Variants in CACNA2D3 observed in about 807,000 individuals in gnomAD.
The protein encoded by CACNA2D3 is voltage-dependent calcium channel subunit alpha-2/delta-3.
A neutral mutation model predicts 160.6 loss-of-function variants in CACNA2D3; 60 were observed. That is an observed-to-expected ratio of 0.37 (90% confidence interval 0.30 to 0.46). The LOEUF is 0.46. Ranked by LOEUF, CACNA2D3 falls within the 20% of genes least tolerant of loss-of-function variation. CACNA2D3 has a pLI of 1.00. For missense variants in CACNA2D3, 1,205 were observed against 1,365.0 expected, an observed-to-expected ratio of 0.88 and a Z score of 1.85; for synonymous variants, 558 against 492.9, an observed-to-expected ratio of 1.13 and a Z score of -1.75.
intron 3 of CACNA2D3, among the ~76,000 whole-genome samples, chr3:54,343,431 A>G (rs1318757336): frequency 6.6e-6 from 1 of 152,138 alleles, no homozygotes; most frequent in Non-Finnish European, 1.5e-5. Flanking sequence ...AGTTGGGACT[A>G]CAGGCATGTG....
At chr3:54,141,646 C>T (rs944187942) in intron 2 of CACNA2D3, among the ~76,000 whole-genome samples, 5 of 152,196 alleles carry the variant, frequency 3.3e-5, no homozygotes, top group African/African-American at 4.8e-5. Context: ...TAATACTATG[C>T]TTCTTGTGTA....
At chr3:55,021,619 G>GTGTGTGTATATATATATATATA (rs1703449273) in intron 35 of CACNA2D3, among the ~76,000 whole-genome samples, 2 of 135,974 alleles carry the variant, frequency 1.5e-5, no homozygotes. Flanking sequence ...ATATATATGT[G>GTGTGTGTATATATATATATATA]TGTGTGTATA....
rs372638006 is a variant in CACNA2D3, at chr3:55,004,769, C to G, written c.2697C>G (p.Thr899=). 3.1e-5 allele frequency: 50 copies of G among 1,612,360 alleles called. No individual in the cohort carries two copies. In the African/African-American group the frequency reaches 5.1e-4, roughly 16 times the overall value. Residue 899 remains threonine, a synonymous_variant, in exon 32 of 38, where the codon ACC becomes ACG. Coordinates refer to ENST00000474759, the MANE Select transcript of CACNA2D3 (RefSeq NM_018398.3). The stretch of plus-strand genomic sequence containing the variant: ...TTCCATTTCTTTCCTGTAGAATTAC[C>G]CTTTATGACTACCAAGCCATGTGTA... ...LLTMGSFKRI[T]LYDYQAMCRA...
At chr3:54,339,518 C>G (rs1704469107) in intron 3 of CACNA2D3, among the ~76,000 whole-genome samples, 1 of 152,162 alleles carries the variant, frequency 6.6e-6, no homozygotes, top group African/African-American at 2.4e-5. Context: ...GCATCTGGCT[C>G]TCATTTGCTC....
chr3:54,536,731 G>A (rs1048478454), intron 5 of CACNA2D3, among the ~76,000 whole-genome samples: 5 of 152,170 alleles, frequency 3.3e-5, no homozygotes, highest in African/African-American at 7.2e-5. Context: ...CCAAGAATGG[G>A]GTGAGATGAG....
rs74673355 is a variant in CACNA2D3, at chr3:54,519,940, A to G, written c.544+16286A>G. On this transcript the variant is annotated intron_variant, in intron 5 of 37. Transcript: ENST00000474759. ...CTACGTTAAGGCCACTGGGGCCAGA[A>G]CAGTGCCAGCCAAGAAGTGAAGCAA... Among the ~76,000 whole-genome samples the G allele has an allele frequency of 9.8e-3, 1,491 of 152,364 alleles. 32 individuals carry two copies. The highest frequency in any genetic ancestry group is 0.034 in the African/African-American group (1,415 of 41,580).
chr3:54,164,720 G>T (rs1037653285), intron 2 of CACNA2D3, among the ~76,000 whole-genome samples: 1 of 152,080 alleles, frequency 6.6e-6, no homozygotes, highest in Non-Finnish European at 1.5e-5. Flanking sequence ...TGGTGTGTCT[G>T]TCCTCACCCA....
At chr3:54,673,005 C>T (rs538696241) in intron 11 of CACNA2D3, among the ~76,000 whole-genome samples, 2 of 152,208 alleles carry the variant, frequency 1.3e-5, no homozygotes, top group Non-Finnish European at 2.9e-5. Flanking sequence ...CACATGCCAG[C>T]TTCTGTTGAT....
chr3:54,351,179 C>T (rs888355879), intron 3 of CACNA2D3, among the ~76,000 whole-genome samples: 4 of 151,116 alleles, frequency 2.6e-5, no homozygotes, highest in South Asian at 2.1e-4. Flanking sequence ...AGGGGGTTAC[C>T]GCATGTTGGC....
chr3:55,051,793 G>A (rs1183982952), intron 35 of CACNA2D3, among the ~76,000 whole-genome samples: 3 of 152,214 alleles, frequency 2.0e-5, no homozygotes, highest in African/African-American at 4.8e-5. Flanking sequence ...CCAGGTGTGG[G>A]ATATAATCTC....
intron 13 of CACNA2D3, among the ~76,000 whole-genome samples, chr3:54,811,209 C>G (rs1209555649): frequency 6.6e-6 from 1 of 152,182 alleles, no homozygotes; most frequent in Non-Finnish European, 1.5e-5. Context: ...TAATTTTGGA[C>G]AAAACTGAGC....
At chr3:54,522,933 T>TTTATTTATTTATTTATTTACTTACTTAC (rs1252705201) in intron 5 of CACNA2D3, among the ~76,000 whole-genome samples, 1 of 135,344 alleles carries the variant, frequency 7.4e-6, no homozygotes, top group African/African-American at 2.8e-5. Context: ...TATTTATTTA[T>TTTATTTATTTATTTATTTACTTACTTAC]TTACTTACTT....
intron 11 of CACNA2D3, among the ~76,000 whole-genome samples, chr3:54,650,201 T>TTTTGTTTG (rs60967814): frequency 1.0e-3 from 155 of 151,154 alleles, no homozygotes; most frequent in East Asian, 7.3e-3. Context: ...TGTTTTTTGT[T>TTTTGTTTG]TTTGTTTGTT....
At chr3:54,833,513 G>C (rs1036606099) in intron 14 of CACNA2D3, among the ~76,000 whole-genome samples, 2 of 151,934 alleles carry the variant, frequency 1.3e-5, no homozygotes, top group Non-Finnish European at 2.9e-5. Flanking sequence ...GAAAAGCAGG[G>C]ACCCCCCTAG....
chr3:54,855,101 C>G (rs1699139852), intron 17 of CACNA2D3, among the ~76,000 whole-genome samples: 1 of 152,190 alleles, frequency 6.6e-6, no homozygotes, highest in African/African-American at 2.4e-5. Context: ...CAGCATCCCC[C>G]TGGCCCTAGG....
chr3:54,613,503 C>T (rs941574090), intron 9 of CACNA2D3, among the ~76,000 whole-genome samples: 8 of 152,196 alleles, frequency 5.3e-5, no homozygotes, highest in African/African-American at 1.2e-4. Context: ...TTGAGGTCCA[C>T]GTTTCTGTTT....
At chr3:54,979,265 T>C (rs1003505254) in intron 29 of CACNA2D3, among the ~76,000 whole-genome samples, 37 of 152,198 alleles carry the variant, frequency 2.4e-4, no homozygotes. Context: ...GCTAGTTTTT[T>C]TCAAGGGGCT....
chr3:54,865,056 G>A (rs1699369367), intron 17 of CACNA2D3, among the ~76,000 whole-genome samples: 1 of 152,204 alleles, frequency 6.6e-6, no homozygotes, highest in Non-Finnish European at 1.5e-5. Context: ...CTGCCCAGTG[G>A]GGGAATAATC....
intron 33 of CACNA2D3, 147 bp downstream of exon 33, chr3:55,007,989 T>C (rs1048790969): frequency 5.2e-6 from 3 of 579,600 alleles, no homozygotes; most frequent in Non-Finnish European, 8.7e-6. Context: ...TCTCAAAATA[T>C]TGAACACAGA....
Sources: allele counts gnomAD v4.1 joint callset (sites outside exome capture counted in the v4.1 genomes callset), GRCh38; gene constraint gnomAD v4.1.1; transcripts MANE v1.5; gene names NCBI Gene and HGNC (gene_info 2026-07-23, HGNC 2026-07-21).